Variants in ASZ1 observed in about 807,000 individuals in gnomAD.
ASZ1 encodes the protein ankyrin repeat, SAM and basic leucine zipper domain-containing protein 1.
Under a neutral mutation model 61.8 loss-of-function variants are expected in ASZ1, and 67 were observed. That is an observed-to-expected ratio of 1.08 (90% CI 0.89 to 1.33). ASZ1 has a LOEUF of 1.33. ASZ1 is among the 40% of genes most tolerant of loss of function. The probability of loss-of-function intolerance (pLI) is 0.00; values close to 1 mark genes in which losing one functional copy is unlikely to be tolerated. For missense variants in ASZ1, 577 were observed against 554.5 expected, an observed-to-expected ratio of 1.04 and a Z score of -0.41; for synonymous variants, 193 against 192.7, an observed-to-expected ratio of 1.00 and a Z score of -0.01.
chr7:117,381,640 C>A (rs1796256313), intron 8 of ASZ1, among the ~76,000 whole-genome samples: 2 of 152,050 alleles, frequency 1.3e-5, no homozygotes, highest in South Asian at 4.1e-4. Flanking sequence ...TCTGATTTAA[C>A]CTTCATGACA....
intron 6 of ASZ1, among the ~76,000 whole-genome samples, 175 bp from the exon 7 acceptor site, chr7:117,383,285 A>G (rs1584724196): frequency 1.3e-5 from 2 of 152,214 alleles, no homozygotes; most frequent in Admixed American, 1.3e-4. Flanking sequence ...ATGATATATC[A>G]CAGTTGTATA....
At chr7:117,364,249 A>G (rs1213813950) in intron 12 of ASZ1, among the ~76,000 whole-genome samples, 1 of 152,174 alleles carries the variant, frequency 6.6e-6, no homozygotes, top group Non-Finnish European at 1.5e-5. Context: ...ACAAAAACTT[A>G]AGTGGTTCTT....
chr7:117,408,395 G>T (rs569046603), intron 4 of ASZ1, among the ~76,000 whole-genome samples: 1 of 152,110 alleles, frequency 6.6e-6, no homozygotes, highest in Non-Finnish European at 1.5e-5. Flanking sequence ...GCATGAAGGA[G>T]CTGTGCCAGG....
chr7:117,425,461 G>C (rs1319918631), intron 2 of ASZ1, among the ~76,000 whole-genome samples: 1 of 151,220 alleles, frequency 6.6e-6, no homozygotes, highest in Non-Finnish European at 1.5e-5. Flanking sequence ...GTAGAGACGG[G>C]GTTTCACTGT....
chr7:117,419,869 G>A (rs1284151269), intron 4 of ASZ1, among the ~76,000 whole-genome samples: 6 of 152,070 alleles, frequency 3.9e-5, no homozygotes, highest in Non-Finnish European at 7.4e-5. Flanking sequence ...CAGGTCAATC[G>A]TCATATTCTT....
At chr7:117,391,276 T>C (rs1796462638) in intron 4 of ASZ1, among the ~76,000 whole-genome samples, 1 of 152,314 alleles carries the variant, frequency 6.6e-6, no homozygotes, top group East Asian at 1.9e-4. Context: ...CTGCTGATAG[T>C]TTCTTTTGCT....
intron 9 of ASZ1, 48 bp from the exon 10 acceptor site, chr7:117,380,095 A>G (rs1796221721): frequency 4.1e-6 from 5 of 1,209,380 alleles, no homozygotes; most frequent in Non-Finnish European, 5.9e-6. Flanking sequence ...ATACTTGAGT[A>G]ATTTAAAACT....
At chr7:117,418,699 C>T (rs1455306111) in intron 4 of ASZ1, among the ~76,000 whole-genome samples, 1 of 149,502 alleles carries the variant, frequency 6.7e-6, no homozygotes, top group Non-Finnish European at 1.5e-5. Context: ...TGGTGGCTTA[C>T]ACTTTTAATC....
At chr7:117,392,924 G>A (rs1028200252) in intron 4 of ASZ1, among the ~76,000 whole-genome samples, 8 of 146,696 alleles carry the variant, frequency 5.5e-5, no homozygotes, top group Non-Finnish European at 1.2e-4. Context: ...TCTGCTTACT[G>A]CAACCTTTGC....
At chr7:117,404,793 G>T (rs1358646055) in intron 4 of ASZ1, among the ~76,000 whole-genome samples, 2 of 152,142 alleles carry the variant, frequency 1.3e-5, no homozygotes, top group Non-Finnish European at 1.5e-5. Context: ...CTCAGCTAAG[G>T]AGGGGGATGG....
chr7:117,370,804 T>TTGTGTGTGTG lies in ASZ1; in HGVS notation c.1056-2097_1056-2088dup, dbSNP rs3138784. Among the ~76,000 whole-genome samples, 952 of 133,276 alleles carry TTGTGTGTGTG rather than the reference T, an allele frequency of 7.1e-3. 6 individuals are homozygous for TTGTGTGTGTG. Among genetic ancestry groups the TTGTGTGTGTG allele is most frequent in the African/African-American group, 0.011 (394 of 35,078 alleles). The allele number at this position is 133,276 out of a possible 152,430, so 87.4% of individuals were successfully genotyped here. On this transcript the variant is annotated intron_variant, in intron 10 of 12. Coordinates refer to ENST00000284629, the MANE Select transcript of ASZ1 (RefSeq NM_130768.3). ...ATTACTATTATTGGACCAAAGGTAA[T>TTGTGTGTGTG]TGTGTGTGTGTGTGTGTGTGTGTGT...
At chr7:117,417,948 T>C (rs1335504920) in intron 4 of ASZ1, among the ~76,000 whole-genome samples, 3 of 152,248 alleles carry the variant, frequency 2.0e-5, no homozygotes, top group Non-Finnish European at 4.4e-5. Flanking sequence ...TTATAGTTTC[T>C]AGCATAAGAT....
intron 11 of ASZ1, chr7:117,368,344 A>C: frequency 1.8e-6 from 2 of 1,083,292 alleles, no homozygotes; most frequent in Non-Finnish European, 2.2e-6. Flanking sequence ...TATTTTAAAA[A>C]AGAACACATG....
intron 5 of ASZ1, 44 bp downstream of exon 5, chr7:117,385,651 CTGA>C (rs1232456782): frequency 7.0e-7 from 1 of 1,428,426 alleles, no homozygotes. Context: ...TTGTAGATTA[CTGA>C]TAATAACAGA....
At chr7:117,376,114 T>C (rs1177404537) in intron 10 of ASZ1, among the ~76,000 whole-genome samples, 1 of 151,804 alleles carries the variant, frequency 6.6e-6, no homozygotes, top group Non-Finnish European at 1.5e-5. Context: ...ATATAAAGAA[T>C]GAAATGGGGT....
rs1796893780 is a variant in ASZ1 at position 117,411,734 on chromosome 7, T to A, written c.440+8429A>T. Among the ~76,000 whole-genome samples the A allele has an allele frequency of 4.0e-5, 6 of 151,794 alleles. No individual in the cohort carries two copies. In the South Asian group the frequency reaches 1.0e-3, roughly 26 times the overall value. On this transcript the variant is annotated intron_variant, in intron 4 of 12. Coordinates refer to ENST00000284629, the MANE Select transcript of ASZ1 (RefSeq NM_130768.3). ...CTGTTCTAAACACAAAGCAACTTTATGATGTGAGTGGTATTTTTATCCCCT... is the reference window on the plus strand; with the variant it reads ...CTGTTCTAAACACAAAGCAACTTTAAGATGTGAGTGGTATTTTTATCCCCT...
At position 117,382,997 on chromosome 7, in the gene ASZ1, A is replaced by C. The variant is rs754370827; in HGVS notation, c.801T>G (p.Asp267Glu). The change falls in exon 7 of 13, where the codon GAT becomes GAG. Residue 267 changes from aspartate (D) to glutamate (E), a missense_variant. By Grantham distance (45) the Asp-to-Glu change is conservative. Coordinates refer to ENST00000284629, the MANE Select transcript of ASZ1 (RefSeq NM_130768.3). ...ILTTDSDREK[D>E]HIFSSYTAFG... ...ACATGCTATATTACCTAAAAATGTG[A>C]TCTTTTTCTCTATCAGAATCTGTTG... The C allele has an allele frequency of 3.2e-6, 5 of 1,571,122 alleles. No individual in the cohort carries two copies. In the South Asian group the frequency reaches 4.8e-5, roughly 15 times the overall value.
intron 4 of ASZ1, among the ~76,000 whole-genome samples, chr7:117,398,730 C>A (rs889832668): frequency 6.6e-6 from 1 of 152,204 alleles, no homozygotes; most frequent in East Asian, 1.9e-4. Flanking sequence ...AGGTTACTAT[C>A]TAGCCTCTGC....
At chr7:117,379,801 A>G in intron 10 of ASZ1, 137 bp downstream of exon 10, 6 of 534,590 alleles carry the variant, frequency 1.1e-5, no homozygotes, top group Non-Finnish European at 1.9e-5. Context: ...ATTTCAGAAC[A>G]CAGTATCTTC....
Sources: gnomAD v4.1 joint callset for allele counts (sites outside exome capture counted in the v4.1 genomes callset) on GRCh38, gnomAD v4.1.1 for gene constraint, MANE v1.5 for transcripts, NCBI Gene and HGNC (gene_info 2026-07-23, HGNC 2026-07-21) for gene names.